HS3ST3A1: variants seen among roughly 807,000 people sequenced by gnomAD.
The protein encoded by HS3ST3A1 is heparan sulfate-glucosamine 3-sulfotransferase 3A1.
A neutral mutation model predicts 25.7 loss-of-function variants in HS3ST3A1; 19 were observed. That is an observed-to-expected ratio of 0.74 (90% CI 0.52 to 1.08). The LOEUF (loss-of-function observed/expected upper bound fraction) is 1.08, where lower values mean the gene tolerates loss of function less well. Among genes scored for constraint, HS3ST3A1 ranks in the 50% least tolerant of loss-of-function variants. The pLI, the probability that HS3ST3A1 is intolerant of heterozygous loss-of-function variation, is 0.00. For synonymous variants in HS3ST3A1, 226 were observed against 278.6 expected, an observed-to-expected ratio of 0.81 and a Z score of 1.88; for missense variants, 459 against 594.3, an observed-to-expected ratio of 0.77 and a Z score of 2.37.
chr17:13,581,481 A>C (rs982458651), intron 1 of HS3ST3A1, among the ~76,000 whole-genome samples: 7 of 151,876 alleles, frequency 4.6e-5, no homozygotes, highest in African/African-American at 1.4e-4. Flanking sequence ...AAAAAAAAAA[A>C]AACGTAGAAA....
At chr17:13,595,513 C>T (rs1399155521) in intron 1 of HS3ST3A1, among the ~76,000 whole-genome samples, 1 of 152,162 alleles carries the variant, frequency 6.6e-6, no homozygotes, top group Non-Finnish European at 1.5e-5. Context: ...ATTTTTAAGA[C>T]ATCCTTATAA....
chr17:13,600,644 C>T lies in HS3ST3A1; in HGVS notation c.486G>A (p.Lys162=), dbSNP rs751016209. 9 of 1,594,604 alleles carry T rather than the reference C, an allele frequency of 5.6e-6. No homozygotes were observed. ...ACTCCAGCAGCGCCCGCGTGCCGCCCTTCTTCACTCCGATGATGATGGCCT... is the reference window on the plus strand; with the variant it reads ...ACTCCAGCAGCGCCCGCGTGCCGCCTTTCTTCACTCCGATGATGATGGCCT... ...LPQAIIIGVK[K]GGTRALLEFL... is the part of the protein sequence containing the mutation. The change falls in exon 1 of 2, where the codon AAG becomes AAA. Residue 162 remains lysine, a synonymous_variant. Transcript: ENST00000284110.
At chr17:13,507,448 C>G (rs566923777) in intron 1 of HS3ST3A1, among the ~76,000 whole-genome samples, 1 of 152,300 alleles carries the variant, frequency 6.6e-6, no homozygotes, top group Admixed American at 6.5e-5. Flanking sequence ...CCCAAACAGC[C>G]AGGGAACATC....
chr17:13,522,231 T>TTAA (rs566134547), intron 1 of HS3ST3A1, among the ~76,000 whole-genome samples: 1 of 148,236 alleles, frequency 6.7e-6, no homozygotes, highest in Admixed American at 6.7e-5. Flanking sequence ...TGGATTATGG[T>TTAA]AAAAAAAAAA....
At chr17:13,524,061 CTT>C (rs1404269065) in intron 1 of HS3ST3A1, among the ~76,000 whole-genome samples, 4 of 152,086 alleles carry the variant, frequency 2.6e-5, no homozygotes, top group Non-Finnish European at 5.9e-5. Flanking sequence ...TTGATTTCCT[CTT>C]TACAGGTTTT....
At chr17:13,530,857 A>G (rs542277195) in intron 1 of HS3ST3A1, among the ~76,000 whole-genome samples, 1 of 152,288 alleles carries the variant, frequency 6.6e-6, no homozygotes, top group African/African-American at 2.4e-5. Context: ...TCCACCCAGT[A>G]GTTTTACAGT....
chr17:13,505,975 C>T (rs985961558), intron 1 of HS3ST3A1, among the ~76,000 whole-genome samples: 3 of 144,224 alleles, frequency 2.1e-5, no homozygotes, highest in African/African-American at 5.2e-5. Flanking sequence ...TGCAGTGAGC[C>T]GAGGTCTCGC....
At chr17:13,545,788 C>A (rs1225315294) in intron 1 of HS3ST3A1, among the ~76,000 whole-genome samples, 1 of 152,122 alleles carries the variant, frequency 6.6e-6, no homozygotes, top group Admixed American at 6.5e-5. Flanking sequence ...ACCAGCCTAG[C>A]TAACATGGTG....
intron 1 of HS3ST3A1, among the ~76,000 whole-genome samples, chr17:13,568,464 C>T (rs1238046411): frequency 6.6e-6 from 1 of 152,170 alleles, no homozygotes; most frequent in Non-Finnish European, 1.5e-5. Flanking sequence ...GTTTATCCTT[C>T]CTATTGAGTT....
intron 1 of HS3ST3A1, among the ~76,000 whole-genome samples, chr17:13,554,265 C>G (rs147458528): frequency 6.6e-6 from 1 of 152,334 alleles, no homozygotes; most frequent in Non-Finnish European, 1.5e-5. Context: ...GTTTGAGTAG[C>G]TCTGAGCCTT....
chr17:13,512,171 C>T (rs1905884757), intron 1 of HS3ST3A1, among the ~76,000 whole-genome samples: 2 of 151,782 alleles, frequency 1.3e-5, no homozygotes, highest in Non-Finnish European at 2.9e-5. Flanking sequence ...CGGTGGCGGG[C>T]GCCTGTAGTC....
In HS3ST3A1 at chr17:13,494,278, A is replaced by T. The variant is rs1247348137; in HGVS notation, c.*1919T>A. On this transcript the variant is annotated 3_prime_UTR_variant, in exon 2 of 2. Transcript: ENST00000284110. ...TGGCACTGGGAAATTGAGAGCATAG[A>T]CATGAAGGAAATCAACTGAAAAAAG... 6.6e-6 allele frequency among the ~76,000 whole-genome samples: 1 copy of T among 152,228 alleles called. No homozygotes were observed. The highest frequency in any genetic ancestry group is 2.4e-5 in the African/African-American group (1 of 41,462).
At chr17:13,520,018 A>C (rs1000064602) in intron 1 of HS3ST3A1, among the ~76,000 whole-genome samples, 1 of 152,218 alleles carries the variant, frequency 6.6e-6, no homozygotes, top group African/African-American at 2.4e-5. Context: ...CCTAATAACT[A>C]TCTGACCCTA....
intron 1 of HS3ST3A1, among the ~76,000 whole-genome samples, chr17:13,515,471 GTTTTTT>G (rs33924561): frequency 0.012 from 1,341 of 107,750 alleles, 10 homozygotes; most frequent in Non-Finnish European, 0.016. Context: ...GTTTGTTTCA[GTTTTTT>G]TTTTTTTTTT....
At chr17:13,568,308 A>G (rs73296174) in intron 1 of HS3ST3A1, among the ~76,000 whole-genome samples, 7,651 of 152,258 alleles carry the variant, frequency 0.05, 425 homozygotes, top group East Asian at 0.13. Context: ...TTTTATACAC[A>G]CTGGGAAATC....
chr17:13,582,184 A>G (rs1458187320), intron 1 of HS3ST3A1, among the ~76,000 whole-genome samples: 1 of 152,182 alleles, frequency 6.6e-6, no homozygotes, highest in East Asian at 1.9e-4. Context: ...CATCACTCAA[A>G]TCTGAGTTCA....
intron 1 of HS3ST3A1, among the ~76,000 whole-genome samples, chr17:13,573,415 C>G (rs368955954): frequency 6.6e-6 from 1 of 152,200 alleles, no homozygotes; most frequent in East Asian, 1.9e-4. Flanking sequence ...CACCTGACCT[C>G]TCTGTCTATC....
At chr17:13,506,819 G>T (rs935458106) in intron 1 of HS3ST3A1, among the ~76,000 whole-genome samples, 1 of 151,956 alleles carries the variant, frequency 6.6e-6, no homozygotes, top group Non-Finnish European at 1.5e-5. Context: ...CACTTTGGGA[G>T]GCCGAGGCGG....
At chr17:13,573,430 A>G (rs1261014906) in intron 1 of HS3ST3A1, among the ~76,000 whole-genome samples, 1 of 152,074 alleles carries the variant, frequency 6.6e-6, no homozygotes, top group East Asian at 1.9e-4. Context: ...TCTATCCACA[A>G]CCATGCCCCC....
Sources: gnomAD v4.1 joint callset for allele counts (sites outside exome capture counted in the v4.1 genomes callset) on GRCh38, gnomAD v4.1.1 for gene constraint, MANE v1.5 for transcripts, NCBI Gene and HGNC (gene_info 2026-07-23, HGNC 2026-07-21) for gene names.